The following CHID1 variants were observed in gnomAD, a reference collection of about 807,000 sequenced individuals.
The protein encoded by CHID1 is chitinase domain-containing protein 1.
In CHID1, 44 loss-of-function variants were observed where a neutral mutation model predicts 55.4. The observed-to-expected ratio is 0.79, with a 90% CI of 0.62 to 1.02. CHID1 has a LOEUF of 1.02. Among genes scored for constraint, CHID1 ranks in the 50% least tolerant of loss-of-function variants. CHID1 has a pLI of 0.00. For synonymous variants in CHID1, 216 were observed against 212.9 expected (o/e 1.01, Z -0.13); for missense variants, 491 against 515.3 (o/e 0.95, Z 0.46).
At chr11:878,970 C>A (rs1296913493) in intron 10 of CHID1, among the ~76,000 whole-genome samples, 1 of 152,144 alleles carries the variant, frequency 6.6e-6, no homozygotes, top group African/African-American at 2.4e-5. Flanking sequence ...CCTCAGCCTC[C>A]CAAATAGCTG....
At chr11:910,853 G>C, upstream of CHID1, 1 of 1,086,760 alleles carries the variant, frequency 9.2e-7, no homozygotes, top group Admixed American at 6.0e-5. Flanking sequence ...CGCCCCAGGC[G>C]CCCGCGCGCC....
At chr11:876,040 A>G (rs1010291608) in intron 10 of CHID1, among the ~76,000 whole-genome samples, 1 of 152,258 alleles carries the variant, frequency 6.6e-6, no homozygotes, top group East Asian at 1.9e-4. Flanking sequence ...GTCGCAGCTA[A>G]TAAGTGAGAT....
chr11:910,008 G>C (rs1852530623), intron 1 of CHID1, among the ~76,000 whole-genome samples: 1 of 151,736 alleles, frequency 6.6e-6, no homozygotes, highest in Admixed American at 6.6e-5. Context: ...GCAGTGAACC[G>C]AGATCGCGCC....
At chr11:910,921 C>T (rs1330322804), upstream of CHID1, 99 of 792,596 alleles carry the variant, frequency 1.2e-4, no homozygotes, top group Non-Finnish European at 1.5e-4. Context: ...GGGGACTGGG[C>T]AGGGCTGCCC....
At chr11:911,159 C>T (rs1242917987), upstream of CHID1, 1 of 152,020 alleles carries the variant, frequency 6.6e-6, no homozygotes, top group Non-Finnish European at 1.5e-5. Flanking sequence ...CTGCCCGGCT[C>T]GGCGGTGCCG....
chr11:893,657 G>A (rs1232692682), intron 7 of CHID1, 138 bp from the exon 8 acceptor site: 14 of 628,744 alleles, frequency 2.2e-5, no homozygotes, highest in African/African-American at 5.6e-5. Context: ...GGGCCCCTTC[G>A]TGGGAACTTC....
Position 869,834 on chromosome 11 carries a change from C to T in CHID1, c.*24G>A, listed in dbSNP as rs1393298504. On this transcript the variant is annotated 3_prime_UTR_variant, in exon 13 of 13. Coordinates refer to ENST00000323578, the MANE Select transcript of CHID1 (RefSeq NM_023947.4). ...TCCATGGCTTAGAAAAGAACACGTC[C>T]ACCGCGGAGGCCGCAATGCCCACCT... 6.3e-7 allele frequency: 1 copy of T among 1,599,246 alleles called. No individual in the cohort carries two copies. Among genetic ancestry groups the T allele is most frequent in the South Asian group, 1.1e-5 (1 of 90,824 alleles).
chr11:906,819 G>C (rs951184423), intron 1 of CHID1, among the ~76,000 whole-genome samples: 2 of 151,994 alleles, frequency 1.3e-5, no homozygotes, highest in Non-Finnish European at 2.9e-5. Flanking sequence ...ACCTGAAGTC[G>C]GGAGTTCGAG....
chr11:887,731 C>T (rs1850502833), intron 8 of CHID1, among the ~76,000 whole-genome samples: 1 of 152,224 alleles, frequency 6.6e-6, no homozygotes, highest in South Asian at 2.1e-4. Context: ...TCACACGCTG[C>T]TATCAGACAT....
upstream of CHID1, chr11:914,715 C>T (rs1589926773): frequency 2.7e-6 from 1 of 375,228 alleles, no homozygotes; most frequent in Non-Finnish European, 4.7e-6. Context: ...AGATAGGACC[C>T]TGTCTCAAAA....
intron 10 of CHID1, among the ~76,000 whole-genome samples, chr11:880,915 C>T (rs1019761973): frequency 3.3e-5 from 5 of 152,204 alleles, no homozygotes; most frequent in African/African-American, 7.2e-5. Context: ...ACACCCAGCA[C>T]GCAACATGGT....
rs1250020082 is a variant in CHID1 at position 893,478 on chromosome 11, T to C, written c.650A>G (p.His217Arg). ...HMLTHLAEAL[H>R]QARLLALLVI... ...CAGGAGGGCCAGCAGCCGGGCCTGG[T>C]GCAGAGCCTCGGCCAAGTGGGTGAG... The change falls in exon 8 of 13, where the codon CAC (histidine) becomes CGC (arginine). Residue 217 changes from histidine to arginine, a missense_variant. Transcript: ENST00000323578. The C allele has an allele frequency of 1.3e-6, 2 of 1,551,764 alleles. No individual in the cohort carries two copies. The highest frequency in any genetic ancestry group is 2.4e-5 in the East Asian group (1 of 41,420).
At chr11:886,276 A>G (rs1253208404) in intron 8 of CHID1, among the ~76,000 whole-genome samples, 1 of 151,212 alleles carries the variant, frequency 6.6e-6, no homozygotes, top group Non-Finnish European at 1.5e-5. Context: ...CCTGGGGAAC[A>G]CAGCAAGACT....
intron 10 of CHID1, among the ~76,000 whole-genome samples, chr11:879,286 G>A (rs1849725978): frequency 6.6e-6 from 1 of 151,910 alleles, no homozygotes; most frequent in Non-Finnish European, 1.5e-5. Flanking sequence ...TGTTGCCCAG[G>A]CTGGCCTTGA....
chr11:905,431 A>G (rs1852138019), intron 1 of CHID1, among the ~76,000 whole-genome samples: 1 of 152,178 alleles, frequency 6.6e-6, no homozygotes, highest in African/African-American at 2.4e-5. Flanking sequence ...ACTTAATGGG[A>G]GGCTGAGGCG....
chr11:904,877 C>T lies in CHID1; in HGVS notation c.-43-18G>A, dbSNP rs769254918. The T allele has an allele frequency of 1.4e-5, 23 of 1,610,366 alleles. No homozygotes were observed. Among genetic ancestry groups the T allele is most frequent in the Non-Finnish European group, 1.9e-5 (22 of 1,179,414 alleles). Reference sequence around the variant, plus strand: ...CCAGAGGGCTGCAGGGAAAGCAGAGCACATTCAAACAACCGGCAGAGAAAT... The same window carrying T: ...CCAGAGGGCTGCAGGGAAAGCAGAGTACATTCAAACAACCGGCAGAGAAAT... On this transcript the variant is annotated intron_variant, in intron 1 of 12. Coordinates refer to ENST00000323578, the MANE Select transcript of CHID1 (RefSeq NM_023947.4).
chr11:890,370 C>T (rs1850714753), intron 8 of CHID1, among the ~76,000 whole-genome samples: 1 of 152,258 alleles, frequency 6.6e-6, no homozygotes, highest in Admixed American at 6.5e-5. Context: ...CCCCATGCGT[C>T]ACCTTTCTCT....
intron 1 of CHID1, among the ~76,000 whole-genome samples, chr11:905,909 C>T (rs1486736201): frequency 6.6e-6 from 1 of 152,134 alleles, no homozygotes; most frequent in African/African-American, 2.4e-5. Flanking sequence ...AATGTGAAGA[C>T]AAATAATAAA....
At chr11:911,788 A>G (rs1852708705), upstream of CHID1, among the ~76,000 whole-genome samples, 1 of 151,810 alleles carries the variant, frequency 6.6e-6, no homozygotes, top group Non-Finnish European at 1.5e-5. Flanking sequence ...GTGGGCTCTT[A>G]CTCAGCTTAG....
Sources: gnomAD v4.1 joint callset for allele counts (sites outside exome capture counted in the v4.1 genomes callset) on GRCh38, gnomAD v4.1.1 for gene constraint, MANE v1.5 for transcripts, NCBI Gene and HGNC (gene_info 2026-07-23, HGNC 2026-07-21) for gene names.